Variants in GLIPR2 observed in about 807,000 individuals in gnomAD.
GLIPR2 encodes GLI pathogenesis related 2.
GLIPR2 carries 21 observed loss-of-function variants against 20.4 expected under a neutral mutation model. That is an observed-to-expected ratio of 1.03 (90% CI 0.73 to 1.48). GLIPR2 has a LOEUF of 1.48. Ranked by LOEUF, GLIPR2 falls within the 40% of genes most tolerant of loss-of-function variation. GLIPR2 has a pLI of 0.00. For synonymous variants in GLIPR2, 91 were observed against 80.5 expected (o/e 1.13, Z -0.70); for missense variants, 205 against 200.1 (o/e 1.02, Z -0.15).
chr9:36,158,180 T>G (rs1178348839), intron 4 of GLIPR2, among the ~76,000 whole-genome samples: 2 of 152,214 alleles, frequency 1.3e-5, no homozygotes, highest in Non-Finnish European at 2.9e-5. Context: ...AATATCTGAA[T>G]CCCTGCTTTC....
At chr9:36,149,894 G>A (rs2132745429) in intron 3 of GLIPR2, among the ~76,000 whole-genome samples, 1 of 152,322 alleles carries the variant, frequency 6.6e-6, no homozygotes, top group South Asian at 2.1e-4. Context: ...CAGGCGTGGT[G>A]GCACATGCCT....
intron 1 of GLIPR2, among the ~76,000 whole-genome samples, chr9:36,138,959 G>A (rs562027656): frequency 6.6e-6 from 1 of 152,282 alleles, no homozygotes; most frequent in South Asian, 2.1e-4. Context: ...CGTAACTAGA[G>A]CGTTGCCAGG....
chr9:36,136,810 C>T lies in GLIPR2; in HGVS notation c.13+19C>T. ...AAGTCAGGTGAGCCCGCGGGCTCGC[C>T]CGCTGCGGAATGGTTCGGAACCCCG... On this transcript the variant is annotated intron_variant, in intron 1 of 4. Transcript: ENST00000377960. This position sits in a 1 kb window ranked among gnomAD's most constrained non-coding sequence, Gnocchi z 4.3. The T allele has an allele frequency of 7.7e-7, 1 of 1,297,616 alleles. No individual in the cohort carries two copies. The highest frequency in any genetic ancestry group is 9.7e-7 in the Non-Finnish European group (1 of 1,026,094). The allele number at this position is 1,297,616 out of a possible 1,614,324, so 80.4% of individuals were successfully genotyped here. A position where few individuals can be genotyped will look rare whatever the true frequency, so the allele number is the denominator to read the frequency against.
chr9:36,154,294 C>T (rs1825735485), intron 4 of GLIPR2, among the ~76,000 whole-genome samples: 1 of 151,978 alleles, frequency 6.6e-6, no homozygotes, highest in South Asian at 2.1e-4. Flanking sequence ...AGCCCTGACC[C>T]CTAGCACTTT....
intron 4 of GLIPR2, among the ~76,000 whole-genome samples, chr9:36,155,591 C>CA (rs983037240): frequency 0.012 from 1,681 of 137,612 alleles, 27 homozygotes; most frequent in African/African-American, 0.042. Context: ...GAGACTGTCT[C>CA]AAAAAAAAAA....
intron 1 of GLIPR2, among the ~76,000 whole-genome samples, chr9:36,138,610 C>G (rs539186489): frequency 2.0e-4 from 31 of 152,154 alleles, no homozygotes; most frequent in African/African-American, 7.2e-4. Flanking sequence ...TCTGTCTGTT[C>G]GCCCCTTCCT....
At chr9:36,141,488 C>A (rs1825077805) in intron 1 of GLIPR2, among the ~76,000 whole-genome samples, 1 of 152,180 alleles carries the variant, frequency 6.6e-6, no homozygotes, top group Non-Finnish European at 1.5e-5. Flanking sequence ...AATTCCTGCC[C>A]TGGGCCCTGA....
chr9:36,153,959 C>A (rs1230688183), intron 4 of GLIPR2, among the ~76,000 whole-genome samples: 14 of 151,484 alleles, frequency 9.2e-5, no homozygotes, highest in Admixed American at 4.6e-4. Context: ...CCATCCCCAC[C>A]CCCAGCCCCA....
At chr9:36,157,491 C>T (rs1319300555) in intron 4 of GLIPR2, among the ~76,000 whole-genome samples, 1 of 151,438 alleles carries the variant, frequency 6.6e-6, no homozygotes, top group African/African-American at 2.4e-5. Flanking sequence ...GGGTTACAGG[C>T]ACCCACCACC....
intron 1 of GLIPR2, among the ~76,000 whole-genome samples, chr9:36,140,978 A>G (rs985984745): frequency 1.4e-4 from 22 of 152,214 alleles, no homozygotes; most frequent in Admixed American, 3.9e-4. Flanking sequence ...TCAAACGTCA[A>G]TGTAAAGGCA....
intron 1 of GLIPR2, chr9:36,146,166 T>A (rs1243046314): frequency 1.3e-5 from 2 of 152,666 alleles, no homozygotes; most frequent in Admixed American, 1.3e-4. Flanking sequence ...GGCATTGGCA[T>A]CTGGCGAGGC....
At chr9:36,153,728 C>G (rs1183968414) in intron 4 of GLIPR2, among the ~76,000 whole-genome samples, 2 of 151,934 alleles carry the variant, frequency 1.3e-5, no homozygotes, top group Non-Finnish European at 2.9e-5. Flanking sequence ...TGGTGAAACC[C>G]CGTCTCTACT....
intron 4 of GLIPR2, among the ~76,000 whole-genome samples, chr9:36,153,981 C>A (rs1316597697): frequency 6.6e-6 from 1 of 151,342 alleles, no homozygotes; most frequent in African/African-American, 2.4e-5. Context: ...CCAGGCCAGG[C>A]CAGCATCTTG....
chr9:36,149,672 G>A (rs1241838137), intron 3 of GLIPR2, among the ~76,000 whole-genome samples: 3 of 152,168 alleles, frequency 2.0e-5, no homozygotes, highest in Non-Finnish European at 4.4e-5. Context: ...GGGTTGGGTA[G>A]GTGGTCTCTG....
chr9:36,154,561 T>G (rs993661032), intron 4 of GLIPR2, among the ~76,000 whole-genome samples: 1 of 152,204 alleles, frequency 6.6e-6, no homozygotes, highest in Non-Finnish European at 1.5e-5. Flanking sequence ...TTCAAAGATA[T>G]ATTCTAGGGA....
chr9:36,137,488 G>T (rs1824878708), intron 1 of GLIPR2, among the ~76,000 whole-genome samples: 1 of 152,142 alleles, frequency 6.6e-6, no homozygotes, highest in African/African-American at 2.4e-5. Context: ...CCTTCCCCTA[G>T]GTTTCCTTGC....
intron 4 of GLIPR2, among the ~76,000 whole-genome samples, chr9:36,158,508 A>C (rs895417788): frequency 2.0e-5 from 3 of 151,946 alleles, no homozygotes; most frequent in African/African-American, 7.3e-5. Flanking sequence ...TCCTTTCCTC[A>C]TCAAATGTTT....
intron 4 of GLIPR2, among the ~76,000 whole-genome samples, chr9:36,154,022 G>A (rs1377702779): frequency 6.6e-6 from 1 of 150,566 alleles, no homozygotes; most frequent in Non-Finnish European, 1.5e-5. Context: ...TCACCGCTGT[G>A]TGCTGAGTGA....
At chr9:36,137,005 G>A (rs2132698436) in intron 1 of GLIPR2, 1 of 478,230 alleles carries the variant, frequency 2.1e-6, no homozygotes, top group Non-Finnish European at 3.3e-6. Context: ...GCCGGGGATC[G>A]CGCCAAGTTG....
Sources: allele counts gnomAD v4.1 joint callset (sites outside exome capture counted in the v4.1 genomes callset), GRCh38; gene constraint gnomAD v4.1.1; non-coding constraint Gnocchi (gnomAD v3.1); transcripts MANE v1.5; gene names NCBI Gene and HGNC (gene_info 2026-07-23, HGNC 2026-07-21).